The following THTPA variants were observed in gnomAD, a reference collection of about 807,000 sequenced individuals.
The protein encoded by THTPA is thiamine triphosphatase, also known as thiamine-triphosphatase.
THTPA carries 16 observed loss-of-function variants against 16.5 expected under a neutral mutation model. The observed-to-expected ratio is 0.97, with a 90% confidence interval of 0.66 to 1.47. The LOEUF (loss-of-function observed/expected upper bound fraction) is 1.47. Ranked by LOEUF, THTPA falls within the 40% of genes most tolerant of loss-of-function variation. The pLI is 0.00. For missense variants in THTPA, 281 were observed against 280.9 expected, an observed-to-expected ratio of 1.00 and a Z score of 0.00; for synonymous variants, 110 against 115.5, an observed-to-expected ratio of 0.95 and a Z score of 0.30.
At chr14:23,521,137 T>C in the THTPA span, 1 of 152,242 alleles carries the variant, frequency 6.6e-6, no homozygotes, top group Admixed American at 6.5e-5. Context: ...TTTAAAGCCT[T>C]TGAGAATAAG....
At chr14:23,540,704 T>G in the THTPA span, among the ~76,000 whole-genome samples, 1 of 152,218 alleles carries the variant, frequency 6.6e-6, no homozygotes, top group Non-Finnish European at 1.5e-5. Context: ...TGAGCCTTAG[T>G]CTCCTTATCT....
At chr14:23,551,309 C>A (rs781746015), upstream of THTPA, 11 of 152,544 alleles carry the variant, frequency 7.2e-5, no homozygotes, top group Non-Finnish European at 1.5e-4. The surrounding 1 kb of genome is among the most constrained non-coding windows in gnomAD (Gnocchi z 5.3). Flanking sequence ...GAGAAAAAAA[C>A]CAACCCAGCA....
At chr14:23,525,876 G>C in the THTPA span, 2 of 1,458,532 alleles carry the variant, frequency 1.4e-6, no homozygotes, top group South Asian at 2.9e-5. The surrounding 1 kb of genome is among the most constrained non-coding windows in gnomAD (Gnocchi z 5.9). Flanking sequence ...TGGAGCTTAA[G>C]CAGTGATTCG....
chr14:23,535,035 C>T, the THTPA span: 1 of 1,536,216 alleles, frequency 6.5e-7, no homozygotes, highest in South Asian at 1.2e-5. This position sits in a 1 kb window ranked among gnomAD's most constrained non-coding sequence, Gnocchi z 4.5. Flanking sequence ...CCTCCTCCTG[C>T]TCCTTGTCCT....
At chr14:23,546,592 T>C in the THTPA span, among the ~76,000 whole-genome samples, 1 of 151,878 alleles carries the variant, frequency 6.6e-6, no homozygotes, top group Non-Finnish European at 1.5e-5. The surrounding 1 kb of genome is among the most constrained non-coding windows in gnomAD (Gnocchi z 4.7). Context: ...CTTCTAAATC[T>C]TTCACCCCTG....
At chr14:23,535,074 G>A in the THTPA span, 1 of 1,536,280 alleles carries the variant, frequency 6.5e-7, no homozygotes, top group East Asian at 2.4e-5. This position sits in a 1 kb window ranked among gnomAD's most constrained non-coding sequence, Gnocchi z 4.5. Context: ...TTGGTGGGAA[G>A]TGACCACAGT....
chr14:23,521,418 G>A, the THTPA span: 1 of 153,472 alleles, frequency 6.5e-6, no homozygotes, highest in Admixed American at 6.4e-5. Flanking sequence ...TCTAGACAAA[G>A]GGTTAGGAAG....
At chr14:23,529,159 A>G in the THTPA span, among the ~76,000 whole-genome samples, 3 of 152,242 alleles carry the variant, frequency 2.0e-5, no homozygotes, top group African/African-American at 7.2e-5. Flanking sequence ...GAATCCCCTC[A>G]GAACACAGAG....
At chr14:23,557,505 G>A (rs1882554730) in intron 1 of THTPA, among the ~76,000 whole-genome samples, 1 of 152,160 alleles carries the variant, frequency 6.6e-6, no homozygotes, top group Non-Finnish European at 1.5e-5. Context: ...CAAAGTGCTG[G>A]GATTACAGGT....
In THTPA at chr14:23,556,360, C is replaced by T. The variant is rs1882372356; in HGVS notation, c.-398C>T. On this transcript the variant is annotated 5_prime_UTR_variant, in exon 1 of 2. Transcript: ENST00000288014. ...GGCTTTGAGGTGAGACCTGAAGTTC[C>T]GCTGGCCGGTAGTGTAGCAGGAAAG... is the stretch of plus-strand genomic sequence containing the variant. 1 of 182,232 alleles carries T rather than the reference C, an allele frequency of 5.5e-6. No individual in the cohort carries two copies. The highest frequency in any genetic ancestry group is 1.2e-5 in the Non-Finnish European group (1 of 86,518). The allele number at this position is 182,232 out of a possible 1,614,324, so 11.3% of individuals were successfully genotyped here.
chr14:23,519,055 G>A, the THTPA span, among the ~76,000 whole-genome samples: 1 of 152,218 alleles, frequency 6.6e-6, no homozygotes, highest in Non-Finnish European at 1.5e-5. Context: ...AGGGTTCCAG[G>A]TAAGTACAGT....
At position 23,558,757 on chromosome 14, in the gene THTPA, C is replaced by T. The variant is rs764647794; in HGVS notation, c.610C>T (p.Gln204Ter). Residue 204 changes from glutamine to a stop codon, truncating the protein, a stop_gained, in exon 2 of 2, where the codon CAA (glutamine) becomes TAA (stop). Transcript: ENST00000288014. LOFTEE classifies it low-confidence loss of function (END_TRUNC). Reference protein sequence around the residue: ...LIVYLQRFRPQDYQRLLEVNS... With the variant: ...LIVYLQRFRP ...TGTGTATCTACAGCGTTTCCGGCCT[C>T]AAGACTATCAGCGCCTGCTAGAAGT... The T allele has an allele frequency of 3.1e-6, 5 of 1,614,234 alleles. No individual in the cohort carries two copies. The South Asian group carries it at 3.3e-5, about 11-fold the overall frequency.
chr14:23,534,308 C>G, the THTPA span: 2 of 1,535,644 alleles, frequency 1.3e-6, no homozygotes, highest in Non-Finnish European at 1.7e-6. The surrounding 1 kb of genome is among the most constrained non-coding windows in gnomAD (Gnocchi z 4.5). Flanking sequence ...AGGGCCATAA[C>G]TTCTTCATCC....
At position 23,556,740 on chromosome 14, in the gene THTPA, C is replaced by T; in HGVS notation, c.-18C>T. On this transcript the variant is annotated 5_prime_UTR_variant, in exon 1 of 2. Coordinates refer to ENST00000288014, the MANE Select transcript of THTPA (RefSeq NM_024328.6). ...CTTGGGAACTCAGCAAACGTTTGTT[C>T]AGCCAATTGCAGGTAGCATGGCCCA... 2 of 1,605,724 alleles carry T rather than the reference C, an allele frequency of 1.2e-6. No homozygotes were observed. The highest frequency in any genetic ancestry group is 1.7e-6 in the Non-Finnish European group (2 of 1,175,836).
At chr14:23,523,717 CA>C in the THTPA span, 1 of 1,536,484 alleles carries the variant, frequency 6.5e-7, no homozygotes, top group South Asian at 1.2e-5. This position sits in a 1 kb window ranked among gnomAD's most constrained non-coding sequence, Gnocchi z 4.1. Context: ...TCTTCAGCTG[CA>C]GGCTGCTCAT....
chr14:23,535,070 G>A, the THTPA span: 1 of 1,536,256 alleles, frequency 6.5e-7, no homozygotes, highest in East Asian at 2.4e-5. This position sits in a 1 kb window ranked among gnomAD's most constrained non-coding sequence, Gnocchi z 4.5. Flanking sequence ...TCATTTGGTG[G>A]GAAGTGACCA....
the THTPA span, chr14:23,532,509 C>T: frequency 3.5e-6 from 5 of 1,411,774 alleles, no homozygotes; most frequent in Non-Finnish European, 4.6e-6. Flanking sequence ...TCTGCATCTC[C>T]TCCCTCTGTC....
chr14:23,515,957 G>C, the THTPA span, among the ~76,000 whole-genome samples: 2 of 152,154 alleles, frequency 1.3e-5, no homozygotes, highest in Admixed American at 6.5e-5. Flanking sequence ...CAGTATGTTG[G>C]GGGTGGGAGT....
the THTPA span, chr14:23,530,186 G>A: frequency 2.0e-6 from 3 of 1,535,234 alleles, no homozygotes; most frequent in African/African-American, 4.1e-5. Context: ...GGGGTGACAG[G>A]AGCCTTCCCT....
Sources: gnomAD v4.1 joint callset for allele counts (sites outside exome capture counted in the v4.1 genomes callset) on GRCh38, gnomAD v4.1.1 for gene constraint, Gnocchi (gnomAD v3.1) non-coding constraint, MANE v1.5 for transcripts, NCBI Gene and HGNC (gene_info 2026-07-23, HGNC 2026-07-21) for gene names.